C6orf89: variants seen among roughly 807,000 people sequenced by gnomAD.
C6orf89 encodes the protein chromosome 6 open reading frame 89.
Under a neutral mutation model 40.7 loss-of-function variants are expected in C6orf89, and 29 were observed. That is an observed-to-expected ratio of 0.71 (90% CI 0.53 to 0.97). The LOEUF (loss-of-function observed/expected upper bound fraction) is 0.97, where lower values mean the gene tolerates loss of function less well. C6orf89 is among the 50% of genes least tolerant of loss of function. C6orf89 has a pLI of 0.00. For synonymous variants in C6orf89, 165 were observed against 152.2 expected (o/e 1.08, Z -0.62); for missense variants, 392 against 429.1 (o/e 0.91, Z 0.76).
At chr6:36,891,758 G>C (rs1027296960) in intron 1 of C6orf89, among the ~76,000 whole-genome samples, 1 of 152,212 alleles carries the variant, frequency 6.6e-6, no homozygotes, top group Non-Finnish European at 1.5e-5. Context: ...TCTGGATATA[G>C]CTCCTAGTGT....
chr6:36,911,281 G>T (rs1274693710), intron 4 of C6orf89, among the ~76,000 whole-genome samples: 1 of 152,170 alleles, frequency 6.6e-6, no homozygotes, highest in African/African-American at 2.4e-5. Flanking sequence ...TCTGAGATCA[G>T]GAGTTTGAGA....
intron 1 of C6orf89, among the ~76,000 whole-genome samples, chr6:36,891,889 C>T (rs1761221092): frequency 6.6e-6 from 1 of 152,212 alleles, no homozygotes; most frequent in Non-Finnish European, 1.5e-5. Context: ...GCTGGCATAG[C>T]TCTTCAGAAA....
rs1204660791 is a variant in C6orf89 at position 36,926,275 on chromosome 6, G to GC, written c.*2834_*2835insC. On this transcript the variant is annotated 3_prime_UTR_variant, in exon 9 of 9. Transcript: ENST00000480824. Reference sequence around the variant, plus strand: ...AAGCTGGGCATGGTGGCTCACACCTGTAATTGCAGCACTTTGGGAGGCTGA... The same window carrying GC: ...AAGCTGGGCATGGTGGCTCACACCTGCTAATTGCAGCACTTTGGGAGGCTGA... The GC allele has an allele frequency of 6.6e-6, 1 of 152,220 alleles. No individual in the cohort carries two copies. Among genetic ancestry groups the GC allele is most frequent in the African/African-American group, 2.4e-5 (1 of 41,444 alleles). The allele number at this position is 152,220 out of a possible 1,614,324, so 9.4% of individuals were successfully genotyped here. A position where few individuals can be genotyped will look rare whatever the true frequency, so the allele number is the denominator to read the frequency against.
At chr6:36,885,717 C>T (rs1774948736), upstream of C6orf89, 1 of 302,438 alleles carries the variant, frequency 3.3e-6, no homozygotes, top group East Asian at 5.2e-5. Flanking sequence ...TGAGCCAGTC[C>T]AGGTAAATTA....
chr6:36,903,878 G>A (rs1761825116), intron 4 of C6orf89, among the ~76,000 whole-genome samples: 1 of 151,560 alleles, frequency 6.6e-6, no homozygotes, highest in Non-Finnish European at 1.5e-5. Flanking sequence ...CAACAGCTCA[G>A]ATATTTCATT....
chr6:36,916,428 G>T lies in C6orf89; in HGVS notation c.696-17G>T, dbSNP rs1476918751. On this transcript the variant is annotated splice_polypyrimidine_tract_variant and intron_variant, in intron 6 of 8. Transcript: ENST00000480824. ...TGACCAGTTTAATTACTTTTTTTCT[G>T]TTTCATACTTCTACAGGAGGAGACC... The T allele has an allele frequency of 6.2e-7, 1 of 1,612,308 alleles. No homozygotes were observed. Among genetic ancestry groups the T allele is most frequent in the Admixed American group, 1.7e-5 (1 of 59,624 alleles).
At chr6:36,912,029 A>C (rs912624855) in intron 4 of C6orf89, among the ~76,000 whole-genome samples, 5 of 151,012 alleles carry the variant, frequency 3.3e-5, no homozygotes, top group Non-Finnish European at 7.4e-5. Context: ...CCTAATCACA[A>C]TCCAGAATAA....
chr6:36,916,703 A>G (rs937952270), intron 7 of C6orf89, 129 bp downstream of exon 7: 2 of 1,101,360 alleles, frequency 1.8e-6, no homozygotes. Context: ...ACACCCACAC[A>G]GTCTAGTTCT....
Position 36,885,970 on chromosome 6 carries a change from C to T in C6orf89, c.-178C>T. On this transcript the variant is annotated 5_prime_UTR_variant, in exon 1 of 9. Coordinates refer to ENST00000480824, the MANE Select transcript of C6orf89 (RefSeq NM_001286635.2). Reference sequence around the variant, plus strand: ...CGGAAACAGGAAGTTGCCCATCCTCCTCGCCCGGCGGCAGCTGTCCCCGAG... The same window carrying T: ...CGGAAACAGGAAGTTGCCCATCCTCTTCGCCCGGCGGCAGCTGTCCCCGAG... 1 of 1,268,516 alleles carries T rather than the reference C, an allele frequency of 7.9e-7. No individual in the cohort carries two copies. The highest frequency in any genetic ancestry group is 3.2e-5 in the East Asian group (1 of 31,742). 78.6% of individuals were successfully genotyped at this position (1,268,516 alleles called of 1,614,324 possible). A position where few individuals can be genotyped will look rare whatever the true frequency, so the allele number is the denominator to read the frequency against.
chr6:36,892,379 G>A (rs564551920), intron 1 of C6orf89, among the ~76,000 whole-genome samples: 23 of 152,222 alleles, frequency 1.5e-4, no homozygotes, highest in Non-Finnish European at 7.4e-5. Context: ...TTGCCCAGCC[G>A]GGAGTGCAGT....
chr6:36,915,366 C>T (rs76253236), intron 6 of C6orf89, among the ~76,000 whole-genome samples: 7,069 of 152,246 alleles, frequency 0.046, 248 homozygotes, highest in Middle Eastern at 0.085. Flanking sequence ...TGGCTTGGTG[C>T]TTAGTGTCTG....
chr6:36,883,960 T>G (rs758491652), upstream of C6orf89, among the ~76,000 whole-genome samples: 3 of 152,152 alleles, frequency 2.0e-5, no homozygotes, highest in Non-Finnish European at 4.4e-5. Context: ...ATACAGCAAA[T>G]GTAAATTATA....
chr6:36,909,181 G>GGT (rs2150703584), intron 4 of C6orf89, among the ~76,000 whole-genome samples: 1 of 137,526 alleles, frequency 7.3e-6, no homozygotes, highest in African/African-American at 2.7e-5. Flanking sequence ...GTTGTTGTGG[G>GGT]TTTTTTTTTT....
At chr6:36,916,404 G>T in intron 6 of C6orf89, 41 bp from the exon 7 acceptor site, 1 of 1,611,566 alleles carries the variant, frequency 6.2e-7, no homozygotes, top group South Asian at 1.1e-5. Flanking sequence ...GGGCTGGCTT[G>T]ACCAGTTTAA....
At chr6:36,884,397 G>A (rs901078695), upstream of C6orf89, among the ~76,000 whole-genome samples, 8 of 152,246 alleles carry the variant, frequency 5.3e-5, no homozygotes, top group South Asian at 8.3e-4. This position sits in a 1 kb window ranked among gnomAD's most constrained non-coding sequence, Gnocchi z 4.0. Context: ...TGGGGACCCT[G>A]GGTAAGGAGC....
At chr6:36,883,503 T>G (rs1774879816), upstream of C6orf89, among the ~76,000 whole-genome samples, 1 of 152,258 alleles carries the variant, frequency 6.6e-6, no homozygotes, top group Non-Finnish European at 1.5e-5. Flanking sequence ...CAATAGAAAT[T>G]AAAAGTGGGT....
intron 1 of C6orf89, among the ~76,000 whole-genome samples, chr6:36,876,724 C>CAA (rs71540176): frequency 0.037 from 3,381 of 90,648 alleles, 35 homozygotes; most frequent in Middle Eastern, 0.11. Flanking sequence ...AACTCCATCT[C>CAA]AAAAAAAAAA....
At chr6:36,889,582 C>CAAAAAAAAAAAAAAA (rs58417436) in intron 1 of C6orf89, among the ~76,000 whole-genome samples, 14 of 140,488 alleles carry the variant, frequency 1.0e-4, no homozygotes, top group African/African-American at 2.1e-4. Context: ...AAAACAAAAA[C>CAAAAAAAAAAAAAAA]AAAAAAAAAA....
intron 1 of C6orf89, among the ~76,000 whole-genome samples, chr6:36,876,109 T>G (rs1774645850): frequency 6.6e-6 from 1 of 152,248 alleles, no homozygotes; most frequent in Non-Finnish European, 1.5e-5. Context: ...GCCCTTGAGC[T>G]GGATGAAAAA....
Sources: allele counts gnomAD v4.1 joint callset (sites outside exome capture counted in the v4.1 genomes callset), GRCh38; gene constraint gnomAD v4.1.1; non-coding constraint Gnocchi (gnomAD v3.1); transcripts MANE v1.5; gene names NCBI Gene and HGNC (gene_info 2026-07-23, HGNC 2026-07-21).